Variants in DAGLA observed in about 807,000 individuals in gnomAD.
DAGLA encodes the protein diacylglycerol lipase alpha, also known as diacylglycerol lipase-alpha.
DAGLA carries 22 observed loss-of-function variants against 102.6 expected under a neutral mutation model. That is an observed-to-expected ratio of 0.21 (90% CI 0.15 to 0.31). DAGLA has a LOEUF of 0.31. DAGLA is among the 10% of genes least tolerant of loss of function. DAGLA has a pLI of 1.00. For missense variants in DAGLA, 927 were observed against 1,446.6 expected (o/e 0.64, Z 5.83); for synonymous variants, 578 against 628.9 (o/e 0.92, Z 1.21).
intron 1 of DAGLA, among the ~76,000 whole-genome samples, chr11:61,693,928 G>A (rs1253718007): frequency 6.6e-6 from 1 of 152,276 alleles, no homozygotes; most frequent in East Asian, 1.9e-4. Context: ...AGGGTGGGGA[G>A]GGGACAGCTG....
intron 6 of DAGLA, among the ~76,000 whole-genome samples, 183 bp downstream of exon 6, chr11:61,726,265 C>T (rs572686920): frequency 6.6e-6 from 1 of 152,316 alleles, no homozygotes; most frequent in South Asian, 2.1e-4. Flanking sequence ...CGCTCCAGCA[C>T]GCAGGACCAC....
At chr11:61,714,711 G>A (rs902303990) in intron 1 of DAGLA, among the ~76,000 whole-genome samples, 2 of 152,182 alleles carry the variant, frequency 1.3e-5, no homozygotes, top group African/African-American at 4.8e-5. Flanking sequence ...AAGAGCTAGG[G>A]CCTCTGTGTT....
chr11:61,741,179 C>T lies in DAGLA; in HGVS notation c.2001C>T (p.Asn667=). ...EGLNKVLENY[N]KGKTALLSAA... is the part of the protein sequence containing the mutation. The stretch of plus-strand genomic sequence containing the variant: ...GTCCTCAGGTGCTGGAGAACTACAA[C>T]AAGGGGAAGACCGCTCTGCTCTCTG... Residue 667 remains asparagine (N), a synonymous_variant, in exon 19 of 20, where the codon AAC becomes AAT. Transcript: ENST00000257215. 1 of 1,613,038 alleles carries T rather than the reference C, an allele frequency of 6.2e-7. No individual in the cohort carries two copies.
intron 3 of DAGLA, 71 bp downstream of exon 3, chr11:61,720,961 C>T (rs996365784): frequency 2.8e-6 from 4 of 1,450,304 alleles, no homozygotes; most frequent in Non-Finnish European, 3.8e-6. Flanking sequence ...CCAGTATTTA[C>T]TGCGCACATG....
At chr11:61,710,591 C>T (rs1201178862) in intron 1 of DAGLA, among the ~76,000 whole-genome samples, 2 of 151,960 alleles carry the variant, frequency 1.3e-5, no homozygotes, top group Admixed American at 6.6e-5. Flanking sequence ...AGTGCCAGTG[C>T]GGCCGTGCTG....
chr11:61,725,341 AC>A (rs35712965), intron 5 of DAGLA, among the ~76,000 whole-genome samples: 380 of 152,238 alleles, frequency 2.5e-3, no homozygotes, highest in African/African-American at 6.8e-3. Context: ...AGCCAGACCC[AC>A]TGGGGATGGG....
rs534522660 is a variant in DAGLA, at chr11:61,693,537, C to T, written c.-45+13033C>T. 4.6e-5 allele frequency among the ~76,000 whole-genome samples: 7 copies of T among 152,004 alleles called. No individual in the cohort carries two copies. The South Asian group carries it at 1.5e-3, about 32-fold the overall frequency. ...CTAATTTTTGTATTTTTAGTGGAGA[C>T]CGGGTTTCACCATATTGGCCAGGCT... On this transcript the variant is annotated intron_variant, in intron 1 of 19. Transcript: ENST00000257215.
rs183887481 is a variant in DAGLA, at chr11:61,681,064, G to A, written c.-45+560G>A. The stretch of plus-strand genomic sequence containing the variant: ...TGACTGTGAGAAAGGGCCTTGGCAC[G>A]GTGTGGTGCGGGGGGCTACCCGGCA... On this transcript the variant is annotated intron_variant, in intron 1 of 19. Transcript: ENST00000257215. 1.1e-4 allele frequency among the ~76,000 whole-genome samples: 16 copies of A among 152,258 alleles called. No homozygotes were observed. The East Asian group carries it at 3.1e-3, about 30-fold the overall frequency.
In DAGLA at chr11:61,734,897, C is replaced by A; in HGVS notation, c.1023C>A (p.Ile341=). The A allele has an allele frequency of 6.2e-7, 1 of 1,614,082 alleles. No individual in the cohort carries two copies. The highest frequency in any genetic ancestry group is 8.5e-7 in the Non-Finnish European group (1 of 1,179,958). Residue 341 remains isoleucine (I), a synonymous_variant, in exon 10 of 20, where the codon ATC becomes ATA. Transcript: ENST00000257215. The surrounding 1 kb of genome is among the most constrained non-coding windows in gnomAD (Gnocchi z 4.2). ...CGCGGTTCGCCCCTGGAGTCACCAT[C>A]GAGGAAGACAACTGCTGTGGCTGTA... ...ARPRFAPGVT[I]EEDNCCGCNA...
At chr11:61,712,888 A>G (rs774093418) in intron 1 of DAGLA, among the ~76,000 whole-genome samples, 4 of 152,188 alleles carry the variant, frequency 2.6e-5, no homozygotes, top group Non-Finnish European at 4.4e-5. Context: ...TTTTCTTGCA[A>G]GTAGTTCAAG....
At chr11:61,706,969 T>G (rs2065155639) in intron 1 of DAGLA, among the ~76,000 whole-genome samples, 1 of 152,204 alleles carries the variant, frequency 6.6e-6, no homozygotes, top group Non-Finnish European at 1.5e-5. Flanking sequence ...CACGGAAAGG[T>G]TCATCCCCTG....
At chr11:61,692,235 T>C (rs2065030345) in intron 1 of DAGLA, among the ~76,000 whole-genome samples, 1 of 152,092 alleles carries the variant, frequency 6.6e-6, no homozygotes, top group South Asian at 2.1e-4. Flanking sequence ...AAATGCAGCA[T>C]CTCAGCATCC....
intron 15 of DAGLA, 90 bp from the exon 16 acceptor site, chr11:61,738,045 G>A: frequency 9.7e-7 from 1 of 1,032,630 alleles, no homozygotes; most frequent in African/African-American, 1.6e-5. Flanking sequence ...CCAGGGGCTA[G>A]GCGTGTGCCT....
chr11:61,728,685 G>A (rs900225770), intron 7 of DAGLA, among the ~76,000 whole-genome samples: 4 of 152,126 alleles, frequency 2.6e-5, no homozygotes, highest in African/African-American at 7.2e-5. Flanking sequence ...AATACCTTTC[G>A]CCTGCTGTGG....
At chr11:61,720,437 A>T (rs1013597090) in intron 2 of DAGLA, among the ~76,000 whole-genome samples, 187 bp downstream of exon 2, 2 of 152,116 alleles carry the variant, frequency 1.3e-5, no homozygotes. Flanking sequence ...CCATTGCTGG[A>T]CCTGACCCCA....
chr11:61,727,755 C>G (rs922701759), intron 6 of DAGLA, among the ~76,000 whole-genome samples: 6 of 152,178 alleles, frequency 3.9e-5, no homozygotes, highest in Non-Finnish European at 7.4e-5. Flanking sequence ...TCAGAGGCAG[C>G]CAGGAGCTTA....
intron 1 of DAGLA, among the ~76,000 whole-genome samples, chr11:61,708,786 TG>T (rs2135568444): frequency 6.6e-6 from 1 of 152,278 alleles, no homozygotes; most frequent in South Asian, 2.1e-4. Flanking sequence ...AGGGCTGCGT[TG>T]TATATTGAAG....
At chr11:61,709,400 C>T (rs752695552) in intron 1 of DAGLA, among the ~76,000 whole-genome samples, 1 of 152,160 alleles carries the variant, frequency 6.6e-6, no homozygotes, top group Non-Finnish European at 1.5e-5. Flanking sequence ...TGCACCACCA[C>T]GCCCCGCTAA....
chr11:61,737,057 A>G (rs2065428989), intron 13 of DAGLA, 125 bp from the exon 14 acceptor site: 1 of 1,347,102 alleles, frequency 7.4e-7, no homozygotes, highest in Non-Finnish European at 1.0e-6. Flanking sequence ...CCTAGCATTC[A>G]CACAGCACAG....
Sources: allele counts gnomAD v4.1 joint callset (sites outside exome capture counted in the v4.1 genomes callset), GRCh38; gene constraint gnomAD v4.1.1; non-coding constraint Gnocchi (gnomAD v3.1); transcripts MANE v1.5; gene names NCBI Gene and HGNC (gene_info 2026-07-23, HGNC 2026-07-21).